PPP1R9A: variants seen among roughly 807,000 people sequenced by gnomAD.
The protein encoded by PPP1R9A is neurabin-1.
Under a neutral mutation model 141.9 loss-of-function variants are expected in PPP1R9A, and 59 were observed. The observed-to-expected ratio is 0.42, with a 90% CI of 0.34 to 0.52. The LOEUF (loss-of-function observed/expected upper bound fraction) is 0.52. Ranked by LOEUF, PPP1R9A falls within the 20% of genes least tolerant of loss-of-function variation. PPP1R9A has a pLI of 0.10. For synonymous variants in PPP1R9A, 500 were observed against 569.7 expected, an observed-to-expected ratio of 0.88 and a Z score of 1.74; for missense variants, 1,444 against 1,611.9, an observed-to-expected ratio of 0.90 and a Z score of 1.78.
At chr7:94,986,271 T>A (rs1800822297) in intron 2 of PPP1R9A, among the ~76,000 whole-genome samples, 2 of 152,174 alleles carry the variant, frequency 1.3e-5, no homozygotes, top group Admixed American at 1.3e-4. Flanking sequence ...TGCTCTCTTA[T>A]AATAAAATTA....
intron 2 of PPP1R9A, among the ~76,000 whole-genome samples, chr7:95,101,510 A>G (rs1584692133): frequency 1.3e-5 from 2 of 152,350 alleles, no homozygotes; most frequent in Middle Eastern, 3.4e-3. Flanking sequence ...AGAAGAAAAA[A>G]ACACTGAAAG....
chr7:95,154,175 C>G (rs1488837256), intron 4 of PPP1R9A, among the ~76,000 whole-genome samples: 1 of 151,660 alleles, frequency 6.6e-6, no homozygotes, highest in Non-Finnish European at 1.5e-5. Flanking sequence ...CCTCTTAGCA[C>G]TGCATTTGCT....
intron 2 of PPP1R9A, among the ~76,000 whole-genome samples, chr7:95,044,033 A>G (rs918392897): frequency 1.3e-5 from 2 of 152,236 alleles, no homozygotes; most frequent in African/African-American, 4.8e-5. Context: ...TTGCAGAAGC[A>G]CAACAATACA....
At chr7:95,044,242 T>A (rs1809664411) in intron 2 of PPP1R9A, among the ~76,000 whole-genome samples, 1 of 152,208 alleles carries the variant, frequency 6.6e-6, no homozygotes, top group African/African-American at 2.4e-5. Context: ...TCTCACCTAT[T>A]TACTAAAAAG....
At chr7:95,165,399 G>A (rs1831090339) in intron 5 of PPP1R9A, among the ~76,000 whole-genome samples, 1 of 152,196 alleles carries the variant, frequency 6.6e-6, no homozygotes, top group Non-Finnish European at 1.5e-5. Context: ...CAGGGAAGAC[G>A]TTGGGCCTAC....
rs1429909892 is a variant in PPP1R9A, at chr7:95,290,639, A to G, written c.*336A>G. The G allele has an allele frequency of 3.7e-6, 1 of 267,932 alleles. No individual in the cohort carries two copies. The highest frequency in any genetic ancestry group is 7.3e-6 in the Non-Finnish European group (1 of 137,816). 16.6% of individuals were successfully genotyped at this position (267,932 alleles called of 1,614,324 possible). On this transcript the variant is annotated 3_prime_UTR_variant, in exon 20 of 20. Transcript: ENST00000433360. The stretch of plus-strand genomic sequence containing the variant: ...AACTAGTGTGACCCCACCCAAGAGC[A>G]TGACACACCCTGGTGTTGTTAATGG...
In PPP1R9A at chr7:95,141,749, A is replaced by G. The variant is rs143575134; in HGVS notation, c.1650-20118A>G. Among the ~76,000 whole-genome samples the G allele has an allele frequency of 5.9e-3, 896 of 152,166 alleles. 4 individuals carry two copies. The highest frequency in any genetic ancestry group is 9.0e-3 in the Non-Finnish European group (612 of 67,988). On this transcript the variant is annotated intron_variant, in intron 4 of 19. Coordinates refer to ENST00000433360, the MANE Select transcript of PPP1R9A (RefSeq NM_001166160.2). ...AATATTCCATTGACTTGATAATACC[A>G]CATTTAGTTTATTCATTTTGATATT...
intron 7 of PPP1R9A, among the ~76,000 whole-genome samples, chr7:95,221,278 T>C (rs1262496819): frequency 2.0e-5 from 3 of 152,112 alleles, no homozygotes; most frequent in African/African-American, 7.2e-5. Flanking sequence ...AGGAACTGTT[T>C]TGTCCTTACT....
intron 4 of PPP1R9A, among the ~76,000 whole-genome samples, chr7:95,153,494 A>C (rs1829080877): frequency 6.6e-6 from 1 of 152,230 alleles, no homozygotes; most frequent in Non-Finnish European, 1.5e-5. Flanking sequence ...AGTTCAGGTT[A>C]ACTAGTATTT....
chr7:95,073,408 T>A (rs1285957939), intron 2 of PPP1R9A, among the ~76,000 whole-genome samples: 4 of 152,148 alleles, frequency 2.6e-5, no homozygotes, highest in African/African-American at 9.6e-5. Flanking sequence ...CTGGTATAGT[T>A]GTTTTAGAAC....
chr7:95,073,683 A>G (rs1014615638), intron 2 of PPP1R9A, among the ~76,000 whole-genome samples: 1 of 127,522 alleles, frequency 7.8e-6, no homozygotes, highest in African/African-American at 3.1e-5. Context: ...AATGATAAAT[A>G]TTCTTTGTAA....
intron 2 of PPP1R9A, among the ~76,000 whole-genome samples, chr7:95,079,221 C>A (rs1308639708): frequency 6.6e-6 from 1 of 152,142 alleles, no homozygotes; most frequent in Non-Finnish European, 1.5e-5. Flanking sequence ...TTTCCTAGCA[C>A]CATTTATTAA....
intron 2 of PPP1R9A, among the ~76,000 whole-genome samples, chr7:95,073,686 C>A (rs1038123604): frequency 1.9e-5 from 2 of 103,772 alleles, no homozygotes; most frequent in African/African-American, 7.7e-5. Context: ...GATAAATATT[C>A]TTTGTAATCT....
intron 2 of PPP1R9A, among the ~76,000 whole-genome samples, chr7:94,914,467 G>T (rs989639307): frequency 5.3e-5 from 8 of 152,104 alleles, no homozygotes; most frequent in Non-Finnish European, 1.0e-4. Context: ...AGACTGTATT[G>T]CCAGCCATCA....
intron 2 of PPP1R9A, among the ~76,000 whole-genome samples, chr7:95,009,260 C>A: frequency 6.6e-6 from 1 of 152,072 alleles, no homozygotes; most frequent in East Asian, 1.9e-4. Flanking sequence ...TGTAACAAAC[C>A]TGCACGTTGT....
At position 95,195,709 on chromosome 7, in the gene PPP1R9A, A is replaced by G. The variant is rs569388991; in HGVS notation, c.1755-2640A>G. Among the ~76,000 whole-genome samples, 343 of 152,038 alleles carry G rather than the reference A, an allele frequency of 2.3e-3. 2 individuals are homozygous for G. The highest frequency in any genetic ancestry group is 7.9e-3 in the African/African-American group (327 of 41,506). On this transcript the variant is annotated intron_variant, in intron 5 of 19. Transcript: ENST00000433360. The stretch of plus-strand genomic sequence containing the variant: ...ATAAACACCTACATGTATATTGTGT[A>G]TGTTTGTATATGTATATTGAACATA...
chr7:95,020,615 A>G (rs1431391467), intron 2 of PPP1R9A, among the ~76,000 whole-genome samples: 2 of 151,866 alleles, frequency 1.3e-5, no homozygotes, highest in African/African-American at 4.8e-5. Flanking sequence ...TCCCCTAGCC[A>G]CCAGCCCCCA....
intron 2 of PPP1R9A, among the ~76,000 whole-genome samples, chr7:95,042,526 A>G (rs1809402425): frequency 6.6e-6 from 1 of 152,194 alleles, no homozygotes; most frequent in Non-Finnish European, 1.5e-5. Context: ...GTTGTACTTC[A>G]TTTATGATGC....
intron 5 of PPP1R9A, among the ~76,000 whole-genome samples, chr7:95,189,681 C>T (rs1209606188): frequency 6.6e-6 from 1 of 151,956 alleles, no homozygotes; most frequent in Non-Finnish European, 1.5e-5. Flanking sequence ...CGTGATCCGC[C>T]TGCCTCGGCC....
Sources: gnomAD v4.1 joint callset for allele counts (sites outside exome capture counted in the v4.1 genomes callset) on GRCh38, gnomAD v4.1.1 for gene constraint, MANE v1.5 for transcripts, NCBI Gene and HGNC (gene_info 2026-07-23, HGNC 2026-07-21) for gene names.